The following FLG2 variants were observed in gnomAD, a reference collection of about 807,000 sequenced individuals.
FLG2 encodes the protein filaggrin-2.
Under a neutral mutation model 3.9 loss-of-function variants are expected in FLG2, and 7 were observed. That is an observed-to-expected ratio of 1.79 (90% CI 1.02 to 3.36). The LOEUF is 3.36. FLG2 is among the 30% of genes most tolerant of loss of function. The pLI, the probability that FLG2 is intolerant of heterozygous loss-of-function variation, is 0.00. For synonymous variants in FLG2, 1,031 were observed against 1,056.1 expected (o/e 0.98, Z 0.46); for missense variants, 2,700 against 2,809.4 (o/e 0.96, Z 0.88).
rs768677641 is a variant in FLG2 at position 152,354,862 on chromosome 1, C to T, written c.2924G>A (p.Gly975Glu). ...TTTTCCTGAGCCTGACTCATGTTGT[C>T]CAAAGCCAGAGGACTGACCTGAGCC... ...GSGSGQSSGF[G>E]QHESGSGKSS... The change falls in exon 3 of 3, where the codon GGA becomes GAA. Residue 975 changes from glycine (G) to glutamate (E), a missense_variant. By Grantham distance (98) the Gly-to-Glu change is moderately conservative. Coordinates refer to ENST00000388718, the MANE Select transcript of FLG2 (RefSeq NM_001014342.3). 1.2e-6 allele frequency: 2 copies of T among 1,613,746 alleles called. No individual in the cohort carries two copies. The highest frequency in any genetic ancestry group is 1.7e-5 in the Admixed American group (1 of 59,964).
Position 152,357,433 on chromosome 1 carries a change from T to G in FLG2, c.353A>C (p.Asp118Ala). 1 of 1,614,050 alleles carries G rather than the reference T, an allele frequency of 6.2e-7. No homozygotes were observed. Among genetic ancestry groups the G allele is most frequent in the East Asian group, 2.2e-5 (1 of 44,896 alleles). The change falls in exon 3 of 3, where the codon GAT becomes GCT. Residue 118 changes from aspartate (D) to alanine (A), a missense_variant. By Grantham distance (126) the Asp-to-Ala change is moderately radical (BLOSUM62 -2). Transcript: ENST00000388718. ...TTTATGTCCTGGTGTATCCTCTTCATCCTCTTCTGTTTCACTTTCTTCTTC... is the reference window on the plus strand; with the variant it reads ...TTTATGTCCTGGTGTATCCTCTTCAGCCTCTTCTGTTTCACTTTCTTCTTC... ...HQEEESETEE[D>A]EEDTPGHKSG...
rs1179627771 is a variant in FLG2 at position 152,353,200 on chromosome 1, T to C, written c.4586A>G (p.His1529Arg). The change falls in exon 3 of 3, where the codon CAT becomes CGT. Residue 1529 changes from histidine to arginine, a missense_variant. Coordinates refer to ENST00000388718, the MANE Select transcript of FLG2 (RefSeq NM_001014342.3). Reference sequence around the variant, plus strand: ...ATGAATTATGGATTCTGACTCTCCATGTTGAGATCCACTTTGGCCGTGAGT... The same window carrying C: ...ATGAATTATGGATTCTGACTCTCCACGTTGAGATCCACTTTGGCCGTGAGT... Reference protein sequence around the residue: ...GHTHGQSGSQHGESESIIHDR... With the variant: ...GHTHGQSGSQRGESESIIHDR... 3 of 1,613,346 alleles carry C rather than the reference T, an allele frequency of 1.9e-6. No individual in the cohort carries two copies. The highest frequency in any genetic ancestry group is 1.7e-6 in the Non-Finnish European group (2 of 1,179,860).
rs377471893 is a variant in FLG2 at position 152,355,964 on chromosome 1, G to T, written c.1822C>A (p.Gln608Lys). The T allele has an allele frequency of 7.9e-5, 127 of 1,608,704 alleles. No individual in the cohort carries two copies. The highest frequency in any genetic ancestry group is 1.0e-4 in the Non-Finnish European group (123 of 1,177,472). Residue 608 changes from glutamine to lysine, a missense_variant, in exon 3 of 3, where the codon CAA becomes AAA. Physicochemically the swap from Gln to Lys is moderately conservative, Grantham distance 53. Transcript: ENST00000388718. ...GACTGACCTGATCTAGACTCATGTT[G>T]TCCAAAGCCAGAGGATTGTCCTGAG... ...SGSGQSSGFG[Q>K]HESRSGQSSY...
chr1:152,358,604 C>T (rs1210187684), intron 2 of FLG2, 143 bp downstream of exon 2: 3 of 726,276 alleles, frequency 4.1e-6, no homozygotes, highest in Non-Finnish European at 6.5e-6. Flanking sequence ...GCTGCTTTAA[C>T]AGACTTTCTG....
intron 1 of FLG2, 120 bp from the exon 2 acceptor site, chr1:152,359,026 A>G (rs1570946487): frequency 1.1e-6 from 1 of 890,606 alleles, no homozygotes. Context: ...CTCAAAACGT[A>G]AGAATGGGCC....
rs145112487 is a variant in FLG2, at chr1:152,355,810, C to G, written c.1976G>C (p.Gly659Ala). 1.2e-6 allele frequency: 2 copies of G among 1,612,992 alleles called. No individual in the cohort carries two copies. The highest frequency in any genetic ancestry group is 3.3e-5 in the Admixed American group (2 of 59,924). The change falls in exon 3 of 3, where the codon GGA (glycine) becomes GCA (alanine). Residue 659 changes from glycine (G) to alanine (A), a missense_variant. By Grantham distance (60) the Gly-to-Ala change is moderately conservative. Transcript: ENST00000388718. ...GCCAGAGGACTGACCTGAGCCTGAT[C>G]CATATTGGCCAAAGCCAGTGGATTG... ...SSQSTGFGQYGSGSGQSSGFG... is the reference protein window; with the variant it reads ...SSQSTGFGQYASGSGQSSGFG...
At position 152,352,130 on chromosome 1, in the gene FLG2, T is replaced by C. The variant is rs1653963103; in HGVS notation, c.5656A>G (p.Ser1886Gly). 1.9e-6 allele frequency: 3 copies of C among 1,613,878 alleles called. No individual in the cohort carries two copies. The highest frequency in any genetic ancestry group is 1.7e-6 in the Non-Finnish European group (2 of 1,179,934). ...RRSGHSESSD[S>G]EVHSGGSHTH... ...TGTGAGCCCCCTGAGTGCACTTCAC[T>C]GTCACTGGACTCACTGTGGCCAGAT... Residue 1886 changes from serine (S) to glycine (G), a missense_variant, in exon 3 of 3, where the codon AGT becomes GGT. By Grantham distance (56) the Ser-to-Gly change is moderately conservative. Coordinates refer to ENST00000388718, the MANE Select transcript of FLG2 (RefSeq NM_001014342.3).
rs139097134 is a variant in FLG2 at position 152,352,160 on chromosome 1, T to C, written c.5626A>G (p.Arg1876Gly). The part of the protein sequence containing the change: ...TQSGSSTTGR[R>G]RSGHSESSDS... The stretch of plus-strand genomic sequence containing the variant: ...CTGGACTCACTGTGGCCAGATCTCC[T>C]TCTTCCAGTTGTACTGGATCCTGAC... The change falls in exon 3 of 3, where the codon AGG (arginine) becomes GGG (glycine). Residue 1876 changes from arginine to glycine, a missense_variant. Transcript: ENST00000388718. 3.7e-5 allele frequency: 59 copies of C among 1,613,668 alleles called. 1 individual carries two copies. In the African/African-American group the frequency reaches 7.7e-4, roughly 21 times the overall value.
chr1:152,352,638 T>C lies in FLG2; in HGVS notation c.5148A>G (p.Thr1716=). Residue 1716 remains threonine, a synonymous_variant, in exon 3 of 3, where the codon ACA becomes ACG. Coordinates refer to ENST00000388718, the MANE Select transcript of FLG2 (RefSeq NM_001014342.3). ...AHYHHGLTTQ[T]GSRTTGRRGS... ...CCCTTCTTCCAGTAGTCCTGGACCCTGTCTGTGTGGTTAATCCATGATGAT... is the reference window on the plus strand; with the variant it reads ...CCCTTCTTCCAGTAGTCCTGGACCCCGTCTGTGTGGTTAATCCATGATGAT... 6.2e-7 allele frequency: 1 copy of C among 1,614,056 alleles called. No homozygotes were observed. The highest frequency in any genetic ancestry group is 8.5e-7 in the Non-Finnish European group (1 of 1,180,006).
Position 152,356,863 on chromosome 1 carries a change from T to C in FLG2, c.923A>G (p.Asn308Ser). ...CQSHRFGGQG[N>S]QFSYIQSGCQ... ...GCCTGACTGAATATAGCTAAATTGA[T>C]TTCCTTGCCCTCCAAATCTATGTGA... Residue 308 changes from asparagine to serine, a missense_variant, in exon 3 of 3, where the codon AAT becomes AGT. Asn to Ser is a conservative substitution (Grantham distance 46, BLOSUM62 1). Transcript: ENST00000388718. 1 of 1,614,204 alleles carries C rather than the reference T, an allele frequency of 6.2e-7. No homozygotes were observed. The highest frequency in any genetic ancestry group is 8.5e-7 in the Non-Finnish European group (1 of 1,180,040).
rs763733406 is a variant in FLG2 at position 152,352,093 on chromosome 1, C to T, written c.5693G>A (p.Gly1898Glu). ...VHSGGSHTHS[G>E]HTHSQARSQH... ...AGACCTGGCTTGGCTGTGTGTGTGTCCTGAATGTGTATGTGAGCCCCCTGA... is the reference window on the plus strand; with the variant it reads ...AGACCTGGCTTGGCTGTGTGTGTGTTCTGAATGTGTATGTGAGCCCCCTGA... Residue 1898 changes from glycine (G) to glutamate (E), a missense_variant, in exon 3 of 3, where the codon GGA becomes GAA. Gly to Glu is a moderately conservative substitution (Grantham distance 98, BLOSUM62 -2). Coordinates refer to ENST00000388718, the MANE Select transcript of FLG2 (RefSeq NM_001014342.3). 25 of 1,613,162 alleles carry T rather than the reference C, an allele frequency of 1.5e-5. No homozygotes were observed. Among genetic ancestry groups the T allele is most frequent in the Non-Finnish European group, 2.1e-5 (25 of 1,179,794 alleles).
chr1:152,358,138 C>T (rs1654317959), intron 2 of FLG2, among the ~76,000 whole-genome samples: 2 of 151,880 alleles, frequency 1.3e-5, no homozygotes, highest in Admixed American at 6.6e-5. Context: ...TCTCCTGCCT[C>T]AGCCTCCCGA....
In FLG2 at chr1:152,353,398, CCA is replaced by C. The variant is rs1654046275; in HGVS notation, c.4386_4387del (p.His1462GlnfsTer15). On this transcript the variant is annotated frameshift_variant, in exon 3 of 3. Transcript: ENST00000388718. LOFTEE classifies it low-confidence loss of function (END_TRUNC). Reference sequence around the variant, plus strand: ...CTGTCCATGAGTAGTTCCGTGTCTCCCATGAACTGTGGATCCTGACTCTCCAT... The same window carrying C: ...CTGTCCATGAGTAGTTCCGTGTCTCCTGAACTGTGGATCCTGACTCTCCAT... 1 of 1,598,166 alleles carries C rather than the reference CCA, an allele frequency of 6.3e-7. No individual in the cohort carries two copies. Among genetic ancestry groups the C allele is most frequent in the African/African-American group, 1.4e-5 (1 of 70,472 alleles).
chr1:152,354,082 C>G lies in FLG2; in HGVS notation c.3704G>C (p.Arg1235Thr). 1.2e-6 allele frequency: 2 copies of G among 1,614,240 alleles called. No homozygotes were observed. The highest frequency in any genetic ancestry group is 8.5e-7 in the Non-Finnish European group (1 of 1,180,046). Residue 1235 changes from arginine (R) to threonine (T), a missense_variant, in exon 3 of 3, where the codon AGA becomes ACA. By Grantham distance (71) the Arg-to-Thr change is moderately conservative. Transcript: ENST00000388718. The part of the protein sequence containing the change: ...QVESGSTVHG[R>T]QETTHGQTIN... ...TGTCTGACCATGAGTAGTTTCCTGT[C>G]TCCCATGAACTGTGGATCCTGACTC...
At position 152,356,113 on chromosome 1, in the gene FLG2, T is replaced by G. The variant is rs965828083; in HGVS notation, c.1673A>C (p.Gln558Pro). The G allele has an allele frequency of 6.2e-6, 10 of 1,613,162 alleles. No individual in the cohort carries two copies. Among genetic ancestry groups the G allele is most frequent in the African/African-American group, 1.3e-5 (1 of 74,460 alleles). Reference sequence around the variant, plus strand: ...GCCAGATGTCTCTCTAGACCCATATTGGCCATAGCCAGATGATTGACTTGA... The same window carrying G: ...GCCAGATGTCTCTCTAGACCCATATGGGCCATAGCCAGATGATTGACTTGA... The part of the protein sequence containing the change: ...SGSSQSSGYG[Q>P]YGSRETSGFG... Residue 558 changes from glutamine to proline, a missense_variant, in exon 3 of 3, where the codon CAA becomes CCA. Physicochemically the swap from Gln to Pro is moderately conservative, Grantham distance 76. Transcript: ENST00000388718.
rs1653866885 is a variant in FLG2, at chr1:152,350,532, C to T, written c.*78G>A. On this transcript the variant is annotated 3_prime_UTR_variant, in exon 3 of 3. Transcript: ENST00000388718. ...CTGAATGTTCATAACTTACCATTGA[C>T]TGTTCATGATTTAAACTGTGTCTTC... The T allele has an allele frequency of 2.0e-6, 3 of 1,504,760 alleles. No homozygotes were observed. The Admixed American group carries it at 6.4e-5, about 32-fold the overall frequency. 93.2% of individuals were successfully genotyped at this position (1,504,760 alleles called of 1,614,324 possible).
chr1:152,358,865 C>G lies in FLG2; in HGVS notation c.20G>C (p.Ser7Thr), dbSNP rs763036217. 1.2e-6 allele frequency: 2 copies of G among 1,613,292 alleles called. No individual in the cohort carries two copies. The highest frequency in any genetic ancestry group is 1.7e-6 in the Non-Finnish European group (2 of 1,179,712). Residue 7 changes from serine (S) to threonine (T), a missense_variant, in exon 2 of 3, where the codon AGT becomes ACT. Physicochemically the swap from Ser to Thr is moderately conservative, Grantham distance 58. Coordinates refer to ENST00000388718, the MANE Select transcript of FLG2 (RefSeq NM_001014342.3). ...GAAAACATCAATTACGGTGACAACACTTCTCAAGAGGTCGGTCATCTTTTT... is the reference window on the plus strand; with the variant it reads ...GAAAACATCAATTACGGTGACAACAGTTCTCAAGAGGTCGGTCATCTTTTT... MTDLLRSVVTVIDVFYK... is the reference protein window; with the variant it reads MTDLLRTVVTVIDVFYK...
Position 152,352,222 on chromosome 1 carries a change from C to T in FLG2, c.5564G>A (p.Ser1855Asn). The T allele has an allele frequency of 1.2e-6, 2 of 1,611,094 alleles. No homozygotes were observed. Among genetic ancestry groups the T allele is most frequent in the Non-Finnish European group, 1.7e-6 (2 of 1,179,048 alleles). The change falls in exon 3 of 3, where the codon AGT (serine) becomes AAT (asparagine). Residue 1855 changes from serine (S) to asparagine (N), a missense_variant. Coordinates refer to ENST00000388718, the MANE Select transcript of FLG2 (RefSeq NM_001014342.3). ...GTTHGQTGDT[S>N]GHSQSGHGQS... is the part of the protein sequence containing the mutation. ...TCCATGACCAGATTGAGAATGTCCA[C>T]TGGTATCTCCTGTCTGTCCATGAGT...
Position 152,355,714 on chromosome 1 carries a change from G to A in FLG2, c.2072C>T (p.Ser691Phe), listed in dbSNP as rs74127929. 1.8e-3 allele frequency: 2,854 copies of A among 1,613,890 alleles called. 50 individuals are homozygous for A. The African/African-American group carries it at 0.034, about 19-fold the overall frequency. The change falls in exon 3 of 3, where the codon TCT becomes TTT. Residue 691 changes from serine (S) to phenylalanine (F), a missense_variant. Ser to Phe is a radical substitution (Grantham distance 155, BLOSUM62 -2). Transcript: ENST00000388718. ...GCCAAAACCATGTTGGCCATAGCTA[G>A]AATGACCTGATCTAGACTCATGTTG... The part of the protein sequence containing the change: ...FGQHESRSGH[S>F]SYGQHGFGSS...
Sources: gnomAD v4.1 joint callset for allele counts (sites outside exome capture counted in the v4.1 genomes callset) on GRCh38, gnomAD v4.1.1 for gene constraint, MANE v1.5 for transcripts, NCBI Gene and HGNC (gene_info 2026-07-23, HGNC 2026-07-21) for gene names.